FRAS1: variants seen among roughly 807,000 people sequenced by gnomAD.
The protein encoded by FRAS1 is extracellular matrix organizing protein FRAS1.
Under a neutral mutation model 435.2 loss-of-function variants are expected in FRAS1, and 290 were observed. The observed-to-expected ratio is 0.67, with a 90% confidence interval of 0.61 to 0.73. The LOEUF (loss-of-function observed/expected upper bound fraction) is 0.73, where lower values mean the gene tolerates loss of function less well. FRAS1 is among the 30% of genes least tolerant of loss of function. FRAS1 has a pLI of 0.00. For missense variants in FRAS1, 4,860 were observed against 5,001.5 expected (o/e 0.97, Z 0.85); for synonymous variants, 1,800 against 1,851.0 (o/e 0.97, Z 0.71).
intron 29 of FRAS1, among the ~76,000 whole-genome samples, chr4:78,391,678 G>A (rs1732449514): frequency 6.6e-6 from 1 of 152,020 alleles, no homozygotes; most frequent in Non-Finnish European, 1.5e-5. Flanking sequence ...TCTGCAACTG[G>A]GTAATCCTTT....
At chr4:78,259,950 T>A (rs1471165523) in intron 6 of FRAS1, among the ~76,000 whole-genome samples, 1 of 152,202 alleles carries the variant, frequency 6.6e-6, no homozygotes, top group Non-Finnish European at 1.5e-5. Context: ...CCCAGCATCA[T>A]TTATTAAATA....
At chr4:78,091,544 G>A (rs1741522434) in intron 2 of FRAS1, among the ~76,000 whole-genome samples, 1 of 151,972 alleles carries the variant, frequency 6.6e-6, no homozygotes, top group Non-Finnish European at 1.5e-5. Flanking sequence ...CTTCTTCACT[G>A]GGCTTTGGTT....
At chr4:78,252,177 T>A (rs1357341344) in intron 4 of FRAS1, among the ~76,000 whole-genome samples, 1 of 152,162 alleles carries the variant, frequency 6.6e-6, no homozygotes, top group Admixed American at 6.6e-5. Context: ...ATAAAAAATC[T>A]TCGCGGTAAT....
At chr4:78,124,443 TTG>T (rs1315095111) in intron 2 of FRAS1, among the ~76,000 whole-genome samples, 1 of 152,190 alleles carries the variant, frequency 6.6e-6, no homozygotes, top group Non-Finnish European at 1.5e-5. Context: ...TCTTTTTTTG[TTG>T]TGTCTCTGCC....
chr4:78,276,580 C>A (rs1159392612), intron 9 of FRAS1, among the ~76,000 whole-genome samples: 2 of 152,232 alleles, frequency 1.3e-5, no homozygotes, highest in Non-Finnish European at 2.9e-5. Flanking sequence ...TGGACATCCA[C>A]TCTAGACCCT....
rs780259946 is a variant in FRAS1, at chr4:78,117,379, G to C, written c.108+51363G>C. On this transcript the variant is annotated intron_variant, in intron 2 of 73. Coordinates refer to ENST00000512123, the MANE Select transcript of FRAS1 (RefSeq NM_025074.7). ...ATTTCCTACATTTGAATGTTGGCCT[G>C]CCTTGCTAGATTGGGTAAGTTCTCT... Among the ~76,000 whole-genome samples the C allele has an allele frequency of 3.1e-4, 47 of 152,286 alleles. No individual in the cohort carries two copies. In the Middle Eastern group the frequency reaches 0.01, roughly 33 times the overall value.
chr4:78,125,047 C>T (rs1038515272), intron 2 of FRAS1, among the ~76,000 whole-genome samples: 1 of 152,086 alleles, frequency 6.6e-6, no homozygotes, highest in Non-Finnish European at 1.5e-5. Flanking sequence ...AATGTGTTTA[C>T]TCTTGCTTCT....
chr4:78,446,863 C>T lies in FRAS1; in HGVS notation c.5993C>T (p.Thr1998Ile), dbSNP rs1718849463. ...TPDNELIFVL[T>I]KKPDHGHVLW... ...GATAATGAGCTCATTTTTGTATTGA[C>T]AAAAAAGCCTGACCACGGTAGGGCA... is the stretch of plus-strand genomic sequence containing the variant. Residue 1998 changes from threonine to isoleucine, a missense_variant, in exon 43 of 74, where the codon ACA becomes ATA. Transcript: ENST00000512123. 1 of 1,609,370 alleles carries T rather than the reference C, an allele frequency of 6.2e-7. No homozygotes were observed. Among genetic ancestry groups the T allele is most frequent in the Non-Finnish European group, 8.5e-7 (1 of 1,177,878 alleles).
chr4:78,496,859 C>G lies in FRAS1; in HGVS notation c.9013C>G (p.Gln3005Glu), dbSNP rs120074157. 2.5e-6 allele frequency: 4 copies of G among 1,613,762 alleles called. No homozygotes were observed. The highest frequency in any genetic ancestry group is 3.4e-6 in the Non-Finnish European group (4 of 1,179,732). The change falls in exon 60 of 74, where the codon CAG (glutamine) becomes GAG (glutamate). Residue 3005 changes from glutamine to glutamate, a missense_variant. Transcript: ENST00000512123. ...HDDSMFEPEE[Q>E]FRVYLGLPLG... ...TGACTCCATGTTTGAGCCAGAGGAACAGTTCAGGGTCTACCTCGGCCTTCC... is the reference window on the plus strand; with the variant it reads ...TGACTCCATGTTTGAGCCAGAGGAAGAGTTCAGGGTCTACCTCGGCCTTCC...
intron 70 of FRAS1, among the ~76,000 whole-genome samples, chr4:78,532,761 A>G (rs1178297424): frequency 6.6e-6 from 1 of 152,202 alleles, no homozygotes; most frequent in East Asian, 1.9e-4. Flanking sequence ...GGCTAATTTC[A>G]CATAGTATAA....
At chr4:78,080,147 G>A (rs1299527896) in intron 2 of FRAS1, among the ~76,000 whole-genome samples, 1 of 152,044 alleles carries the variant, frequency 6.6e-6, no homozygotes, top group Non-Finnish European at 1.5e-5. Context: ...CACTTGTTTG[G>A]AACACAGCTA....
rs533958548 is a variant in FRAS1, at chr4:78,066,033, A to C, written c.108+17A>C. ...TTGTTGGCGGTAGGTCATTCTTTAC[A>C]TACTTGGTTTCTGTCATTTGAATGT... On this transcript the variant is annotated intron_variant, in intron 2 of 73. Coordinates refer to ENST00000512123, the MANE Select transcript of FRAS1 (RefSeq NM_025074.7). The C allele has an allele frequency of 3.7e-5, 58 of 1,581,174 alleles. No individual in the cohort carries two copies. The highest frequency in any genetic ancestry group is 3.0e-4 in the Admixed American group (18 of 59,706).
Position 78,393,697 on chromosome 4 carries a change from A to G in FRAS1, c.3975+5996A>G, listed in dbSNP as rs115048209. 2.8e-3 allele frequency among the ~76,000 whole-genome samples: 425 copies of G among 152,210 alleles called. 1 individual carries two copies. The highest frequency in any genetic ancestry group is 9.0e-3 in the African/African-American group (375 of 41,568). On this transcript the variant is annotated intron_variant, in intron 29 of 73. Transcript: ENST00000512123. ...CTTAGGTTGATTCTGTATCTTGTCT[A>G]TTGTGAATAATACTACAATGAACGT...
chr4:78,526,637 C>T lies in FRAS1; in HGVS notation c.10905C>T (p.Cys3635=), dbSNP rs776102248. Residue 3635 remains cysteine (C), a synonymous_variant, in exon 70 of 74, where the codon TGC becomes TGT. Coordinates refer to ENST00000512123, the MANE Select transcript of FRAS1 (RefSeq NM_025074.7). The part of the protein sequence containing the change: ...WVDPGEKPLA[C]TAHAPERFLI... ...ACCCAGGAGAGAAGCCTTTGGCCTG[C>T]ACTGCACATGCCCCAGAAAGGTAGG... 15 of 1,581,744 alleles carry T rather than the reference C, an allele frequency of 9.5e-6. No individual in the cohort carries two copies. The South Asian group carries it at 1.8e-4, about 19-fold the overall frequency.
chr4:78,115,635 C>G (rs1743110852), intron 2 of FRAS1, among the ~76,000 whole-genome samples: 1 of 152,106 alleles, frequency 6.6e-6, no homozygotes, highest in Non-Finnish European at 1.5e-5. Context: ...TTATAGTATT[C>G]TCTGATGGTA....
chr4:78,086,837 C>A (rs1330281931), intron 2 of FRAS1, among the ~76,000 whole-genome samples: 2 of 152,120 alleles, frequency 1.3e-5, no homozygotes, highest in African/African-American at 4.8e-5. Flanking sequence ...CGAATTCTAC[C>A]AGAGGTACAA....
At chr4:78,197,644 C>T (rs1047786031) in intron 2 of FRAS1, among the ~76,000 whole-genome samples, 15 of 151,776 alleles carry the variant, frequency 9.9e-5, no homozygotes, top group African/African-American at 1.9e-4. Flanking sequence ...AAGAGGTGAG[C>T]GTAAAGAGTG....
intron 18 of FRAS1, among the ~76,000 whole-genome samples, chr4:78,332,436 TTTTC>T (rs1299088170): frequency 6.6e-6 from 1 of 152,192 alleles, no homozygotes; most frequent in African/African-American, 2.4e-5. Context: ...AGCAGAGATG[TTTTC>T]TTTCTCTTTG....
At chr4:78,540,245 C>A (rs1391474367) in intron 73 of FRAS1, among the ~76,000 whole-genome samples, 2 of 152,194 alleles carry the variant, frequency 1.3e-5, no homozygotes, top group Non-Finnish European at 1.5e-5. Flanking sequence ...TATAAGCATT[C>A]ACTTAGCTAA....
Sources: gnomAD v4.1 joint callset for allele counts (sites outside exome capture counted in the v4.1 genomes callset) on GRCh38, gnomAD v4.1.1 for gene constraint, MANE v1.5 for transcripts, NCBI Gene and HGNC (gene_info 2026-07-23, HGNC 2026-07-21) for gene names.